LIFR: variants seen among roughly 807,000 people sequenced by gnomAD.
LIFR encodes leukemia inhibitory factor receptor.
In LIFR, 84 loss-of-function variants were observed where a neutral mutation model predicts 122.2. That is an observed-to-expected ratio of 0.69 (90% confidence interval 0.58 to 0.82). The LOEUF (loss-of-function observed/expected upper bound fraction) is 0.82, where lower values mean the gene tolerates loss of function less well. Ranked by LOEUF, LIFR falls within the 40% of genes least tolerant of loss-of-function variation. The pLI is 0.00. For synonymous variants in LIFR, 422 were observed against 434.7 expected (o/e 0.97, Z 0.36); for missense variants, 1,294 against 1,311.6 (o/e 0.99, Z 0.21).
chr5:38,554,307 A>G (rs1328304901), intron 1 of LIFR, among the ~76,000 whole-genome samples: 2 of 152,236 alleles, frequency 1.3e-5, no homozygotes, highest in Non-Finnish European at 2.9e-5. Flanking sequence ...GAAGTTATAT[A>G]GAAGCAAACA....
chr5:38,475,347 G>C lies in LIFR; in HGVS notation c.*6248C>G, dbSNP rs560182899. ...ATCACACACATGTACTTCATCTATA[G>C]TTTTCTTCCTGTATAAGTGTATTGA... On this transcript the variant is annotated 3_prime_UTR_variant, in exon 20 of 20. Transcript: ENST00000453190. 1.0e-4 allele frequency: 20 copies of C among 195,288 alleles called. No individual in the cohort carries two copies. The highest frequency in any genetic ancestry group is 1.9e-4 in the Non-Finnish European group (18 of 93,774). 12.1% of individuals were successfully genotyped at this position (195,288 alleles called of 1,614,324 possible).
intron 1 of LIFR, among the ~76,000 whole-genome samples, chr5:38,543,513 A>C (rs1045590101): frequency 3.9e-5 from 6 of 152,232 alleles, no homozygotes; most frequent in Non-Finnish European, 2.9e-5. Flanking sequence ...CCAAGGCTAC[A>C]AATATTTATC....
chr5:38,553,674 T>TATATATATA (rs1748363894), intron 1 of LIFR, among the ~76,000 whole-genome samples: 2 of 93,818 alleles, frequency 2.1e-5, no homozygotes, highest in Admixed American at 1.2e-4. Flanking sequence ...ATATATATAT[T>TATATATATA]ATATGTATGT....
intron 1 of LIFR, among the ~76,000 whole-genome samples, chr5:38,547,064 C>T (rs922185369): frequency 2.0e-5 from 3 of 152,120 alleles, no homozygotes; most frequent in Non-Finnish European, 4.4e-5. Flanking sequence ...TCCCCAACAC[C>T]CCCAAAAGAA....
At chr5:38,571,862 C>T (rs1331671648) in intron 1 of LIFR, among the ~76,000 whole-genome samples, 1 of 152,140 alleles carries the variant, frequency 6.6e-6, no homozygotes, top group Non-Finnish European at 1.5e-5. Context: ...AACATTTGAC[C>T]TAAGTCAAAC....
At chr5:38,536,446 T>C (rs932893164) in intron 1 of LIFR, among the ~76,000 whole-genome samples, 2 of 141,484 alleles carry the variant, frequency 1.4e-5, no homozygotes, top group African/African-American at 3.2e-5. Context: ...TTAAATCATA[T>C]GAGAGGATAA....
rs757244087 is a variant in LIFR, at chr5:38,482,080, A to G, written c.2809T>C (p.Ser937Pro). The change falls in exon 20 of 20, where the codon TCT (serine) becomes CCT (proline). Residue 937 changes from serine (S) to proline (P), a missense_variant. By Grantham distance (74) the Ser-to-Pro change is moderately conservative. Transcript: ENST00000453190. ...SPVAERPEDR[S>P]DAEPENHVVV... is the part of the protein sequence containing the mutation. ...ACATGGTTTTCAGGCTCTGCATCAG[A>G]GCGATCTTCAGGACGCTCAGCTACT... 9 of 1,602,108 alleles carry G rather than the reference A, an allele frequency of 5.6e-6. No individual in the cohort carries two copies. In the East Asian group the frequency reaches 2.0e-4, roughly 36 times the overall value.
At chr5:38,559,613 T>G (rs1423922991), upstream of LIFR, among the ~76,000 whole-genome samples, 1 of 152,252 alleles carries the variant, frequency 6.6e-6, no homozygotes, top group African/African-American at 2.4e-5. Context: ...TGTTTGATGC[T>G]TATATTGCAT....
intron 1 of LIFR, among the ~76,000 whole-genome samples, chr5:38,552,275 G>C (rs1748245934): frequency 6.6e-6 from 1 of 152,194 alleles, no homozygotes; most frequent in African/African-American, 2.4e-5. Context: ...AAAAGTCACA[G>C]GAGAAAGATG....
intron 1 of LIFR, chr5:38,555,185 T>C (rs189013698): frequency 2.0e-5 from 3 of 152,348 alleles, no homozygotes; most frequent in East Asian, 1.9e-4. Context: ...ACTAAAAGAA[T>C]GGTCTCGTGT....
chr5:38,529,100 A>C (rs1011385893), intron 2 of LIFR, among the ~76,000 whole-genome samples: 1 of 151,882 alleles, frequency 6.6e-6, no homozygotes, highest in African/African-American at 2.4e-5. Flanking sequence ...AAAGTGGGCC[A>C]GCTACTAGAC....
intron 1 of LIFR, among the ~76,000 whole-genome samples, chr5:38,591,653 G>A (rs890040697): frequency 3.3e-5 from 5 of 152,176 alleles, no homozygotes; most frequent in African/African-American, 1.2e-4. Context: ...AGCCACCATG[G>A]TCAGGCCCAG....
At position 38,497,953 on chromosome 5, in the gene LIFR, T is replaced by C. The variant is rs566111622; in HGVS notation, c.1672-1358A>G. Among the ~76,000 whole-genome samples, 3 of 152,338 alleles carry C rather than the reference T, an allele frequency of 2.0e-5. No individual in the cohort carries two copies. The East Asian group carries it at 5.8e-4, about 29-fold the overall frequency. On this transcript the variant is annotated intron_variant, in intron 12 of 19. Transcript: ENST00000453190. ...CTTTTTTGTGCCACTTTTTTTCTTT[T>C]TCATAGAAATTTTTAATATGAATTT...
At chr5:38,564,464 A>G (rs1056793425) in intron 1 of LIFR, among the ~76,000 whole-genome samples, 2 of 151,820 alleles carry the variant, frequency 1.3e-5, no homozygotes. Context: ...GGATCCTCCC[A>G]TCTCAGCCTC....
At chr5:38,509,549 A>G (rs1286172404) in intron 7 of LIFR, among the ~76,000 whole-genome samples, 2 of 152,118 alleles carry the variant, frequency 1.3e-5, no homozygotes, top group African/African-American at 4.8e-5. Flanking sequence ...GATCTAGACC[A>G]CAGCTGAGAA....
chr5:38,530,387 A>G, intron 2 of LIFR, 119 bp downstream of exon 2: 1 of 837,626 alleles, frequency 1.2e-6, no homozygotes, highest in Non-Finnish European at 2.0e-6. Flanking sequence ...AGATGACAAA[A>G]AAAATGAATT....
At chr5:38,505,039 A>G (rs1490583263) in intron 9 of LIFR, among the ~76,000 whole-genome samples, 6 of 152,160 alleles carry the variant, frequency 3.9e-5, no homozygotes, top group Admixed American at 6.5e-5. Context: ...ATGAATACCA[A>G]AAAGACCAAG....
intron 3 of LIFR, among the ~76,000 whole-genome samples, chr5:38,527,687 T>C (rs867689678): frequency 1.3e-5 from 2 of 152,130 alleles, no homozygotes. Context: ...ATGAAGGAAA[T>C]GAAACTGGCA....
intron 1 of LIFR, among the ~76,000 whole-genome samples, chr5:38,580,453 A>G (rs1226631238): frequency 6.6e-6 from 1 of 150,376 alleles, no homozygotes; most frequent in African/African-American, 2.4e-5. Context: ...TTCCTCCTAG[A>G]TCTACTCCTT....
Sources: allele counts gnomAD v4.1 joint callset (sites outside exome capture counted in the v4.1 genomes callset), GRCh38; gene constraint gnomAD v4.1.1; transcripts MANE v1.5; gene names NCBI Gene and HGNC (gene_info 2026-07-23, HGNC 2026-07-21).